Variants in ZNF782 observed in about 807,000 individuals in gnomAD.
ZNF782 encodes the protein zinc finger protein 782.
Under a neutral mutation model 13.0 loss-of-function variants are expected in ZNF782, and 12 were observed. That is an observed-to-expected ratio of 0.92 (90% confidence interval 0.59 to 1.50). The LOEUF is 1.50. Among genes scored for constraint, ZNF782 ranks in the 40% most tolerant of loss-of-function variants. The pLI, the probability that ZNF782 is intolerant of heterozygous loss-of-function variation, is 0.00. For synonymous variants in ZNF782, 284 were observed against 283.0 expected (o/e 1.00, Z -0.04); for missense variants, 770 against 822.9 (o/e 0.94, Z 0.79).
intron 5 of ZNF782, 25 bp from the exon 6 acceptor site, chr9:96,819,803 C>G (rs1353166207): frequency 6.6e-7 from 1 of 1,521,532 alleles, no homozygotes; most frequent in African/African-American, 1.4e-5. Flanking sequence ...ATTAAACAAA[C>G]TTTATGATAT....
At chr9:96,860,890 CAGA>C (rs1851695389) in intron 2 of ZNF782, among the ~76,000 whole-genome samples, 1 of 152,188 alleles carries the variant, frequency 6.6e-6, no homozygotes, top group Non-Finnish European at 1.5e-5. Flanking sequence ...TATCCATATG[CAGA>C]AGAATGAAAC....
intron 1 of ZNF782, among the ~76,000 whole-genome samples, chr9:96,863,884 G>A (rs991969091): frequency 6.6e-6 from 1 of 152,016 alleles, no homozygotes; most frequent in African/African-American, 2.4e-5. Flanking sequence ...GGGGTTGAAG[G>A]ATAAAAGATT....
At chr9:96,917,700 G>A in the ZNF782 span, among the ~76,000 whole-genome samples, 1 of 151,586 alleles carries the variant, frequency 6.6e-6, no homozygotes, top group Admixed American at 6.6e-5. Context: ...AAAGTGCTGG[G>A]ATCACAAGCA....
chr9:96,849,785 A>G lies in ZNF782; in HGVS notation c.15+2162T>C, dbSNP rs1363050041. On this transcript the variant is annotated intron_variant, in intron 3 of 5. Coordinates refer to ENST00000481138, the MANE Select transcript of ZNF782 (RefSeq NM_001001662.3). ...CTAGACATCTGACAAAGTATCCAGA[A>G]TTTACAAGGAACTCAAATAAACCAG... Among the ~76,000 whole-genome samples, 3 of 152,314 alleles carry G rather than the reference A, an allele frequency of 2.0e-5. No homozygotes were observed. The East Asian group carries it at 5.8e-4, about 29-fold the overall frequency.
At chr9:96,927,060 T>C in the ZNF782 span, among the ~76,000 whole-genome samples, 1 of 152,066 alleles carries the variant, frequency 6.6e-6, no homozygotes, top group Non-Finnish European at 1.5e-5. Context: ...CTCTTTCCTG[T>C]CATTCTGACG....
At chr9:96,857,522 A>G (rs1410136161), upstream of ZNF782, among the ~76,000 whole-genome samples, 1 of 152,356 alleles carries the variant, frequency 6.6e-6, no homozygotes, top group Middle Eastern at 3.4e-3. Flanking sequence ...CCAGTGCTCT[A>G]TTTTGCAGAT....
At chr9:96,879,089 A>T (rs1261906655), upstream of ZNF782, among the ~76,000 whole-genome samples, 1 of 152,254 alleles carries the variant, frequency 6.6e-6, no homozygotes, top group East Asian at 1.9e-4. Context: ...ACAGACACTT[A>T]TTGAAAACCT....
intron 4 of ZNF782, among the ~76,000 whole-genome samples, chr9:96,832,670 A>G (rs893113309): frequency 7.2e-5 from 11 of 152,156 alleles, no homozygotes; most frequent in South Asian, 2.1e-4. Flanking sequence ...GTGGTTTCTA[A>G]TAAGAAATCC....
chr9:96,870,440 T>G (rs1851810617), intron 1 of ZNF782, among the ~76,000 whole-genome samples: 1 of 152,200 alleles, frequency 6.6e-6, no homozygotes, highest in Non-Finnish European at 1.5e-5. Context: ...CCTTTCCTGC[T>G]GAAGAACTAG....
chr9:96,842,553 A>G (rs965565554), intron 4 of ZNF782, among the ~76,000 whole-genome samples: 27 of 152,066 alleles, frequency 1.8e-4, no homozygotes, highest in Admixed American at 6.6e-4. Context: ...CTTACACTTC[A>G]TGCCCTATAC....
At chr9:96,832,474 T>C (rs1222812775) in intron 4 of ZNF782, among the ~76,000 whole-genome samples, 1 of 152,214 alleles carries the variant, frequency 6.6e-6, no homozygotes, top group African/African-American at 2.4e-5. Flanking sequence ...AGATTCCTTT[T>C]ATGATTTCTG....
In ZNF782 at chr9:96,817,476, T is replaced by G. The variant is rs1415274947; in HGVS notation, c.*447A>C. 1 of 155,388 alleles carries G rather than the reference T, an allele frequency of 6.4e-6. No homozygotes were observed. The highest frequency in any genetic ancestry group is 1.4e-5 in the Non-Finnish European group (1 of 70,306). The allele number at this position is 155,388 out of a possible 1,614,324, so 9.6% of individuals were successfully genotyped here. ...TGAGGTCTCTATCTTGAATGTATTT[T>G]CTGCTGTACTGACTTTTCATTAAAG... is the stretch of plus-strand genomic sequence containing the variant. On this transcript the variant is annotated 3_prime_UTR_variant, in exon 6 of 6. Coordinates refer to ENST00000481138, the MANE Select transcript of ZNF782 (RefSeq NM_001001662.3).
chr9:96,846,906 G>A (rs779682192), intron 3 of ZNF782, among the ~76,000 whole-genome samples: 1 of 152,024 alleles, frequency 6.6e-6, no homozygotes, highest in African/African-American at 2.4e-5. Context: ...ATCAGCACAC[G>A]GGACATTCTC....
chr9:96,859,323 C>T (rs1851678292), upstream of ZNF782, among the ~76,000 whole-genome samples: 1 of 152,144 alleles, frequency 6.6e-6, no homozygotes, highest in Non-Finnish European at 1.5e-5. Flanking sequence ...TTGCCCACCC[C>T]TCCTCCAACC....
Position 96,850,209 on chromosome 9 carries a change from CGT to C in ZNF782, c.15+1736_15+1737del. ...CATAAATGAAAAAGAAACCAGCACACGTTTGTAGCAGCACGATTCACAATTGC... is the reference window on the plus strand; with the variant it reads ...CATAAATGAAAAAGAAACCAGCACACTTGTAGCAGCACGATTCACAATTGC... On this transcript the variant is annotated intron_variant, in intron 3 of 5. Transcript: ENST00000481138. This position sits in a 1 kb window ranked among gnomAD's most constrained non-coding sequence, Gnocchi z 4.3. 6.6e-6 allele frequency among the ~76,000 whole-genome samples: 1 copy of C among 152,048 alleles called. No individual in the cohort carries two copies. Among genetic ancestry groups the C allele is most frequent in the Non-Finnish European group, 1.5e-5 (1 of 67,956 alleles).
chr9:96,849,073 G>C (rs1035657352), intron 3 of ZNF782, among the ~76,000 whole-genome samples: 1 of 152,258 alleles, frequency 6.6e-6, no homozygotes, highest in Middle Eastern at 3.4e-3. Context: ...AAACACAAAC[G>C]GGGGAATGGA....
chr9:96,863,100 A>C (rs1457353499), intron 1 of ZNF782, among the ~76,000 whole-genome samples: 1 of 151,498 alleles, frequency 6.6e-6, no homozygotes, highest in East Asian at 1.9e-4. Flanking sequence ...ATTGAAAAAC[A>C]TTACAACAAA....
chr9:96,839,689 T>G (rs1414380427), intron 4 of ZNF782, among the ~76,000 whole-genome samples: 2 of 152,176 alleles, frequency 1.3e-5, no homozygotes, highest in Non-Finnish European at 1.5e-5. Flanking sequence ...TTTTATTACT[T>G]TCTGATTTTT....
the ZNF782 span, among the ~76,000 whole-genome samples, chr9:96,914,185 G>A: frequency 3.3e-5 from 5 of 151,482 alleles, no homozygotes; most frequent in South Asian, 4.2e-4. Flanking sequence ...GCAGTGGCGC[G>A]ATCTCGGCTC....
Sources: gnomAD v4.1 joint callset for allele counts (sites outside exome capture counted in the v4.1 genomes callset) on GRCh38, gnomAD v4.1.1 for gene constraint, Gnocchi (gnomAD v3.1) non-coding constraint, MANE v1.5 for transcripts, NCBI Gene and HGNC (gene_info 2026-07-23, HGNC 2026-07-21) for gene names.